RUNX1: variants seen among roughly 807,000 people sequenced by gnomAD.
The protein encoded by RUNX1 is RUNX family transcription factor 1, also known as runt-related transcription factor 1.
A neutral mutation model predicts 42.8 loss-of-function variants in RUNX1; 19 were observed. That is an observed-to-expected ratio of 0.44 (90% CI 0.31 to 0.65). The LOEUF is 0.65. Among genes scored for constraint, RUNX1 ranks in the 30% least tolerant of loss-of-function variants. RUNX1 has a pLI of 0.07. For missense variants in RUNX1, 528 were observed against 672.0 expected (o/e 0.79, Z 2.37); for synonymous variants, 271 against 289.4 (o/e 0.94, Z 0.64).
At chr21:34,993,788 CACAG>C (rs1461282975) in intron 2 of RUNX1, among the ~76,000 whole-genome samples, 2 of 137,510 alleles carry the variant, frequency 1.5e-5, no homozygotes, top group South Asian at 2.1e-4. Context: ...GACACACACA[CACAG>C]ACACACACAC....
At chr21:34,942,317 C>CAA (rs61376903) in intron 2 of RUNX1, among the ~76,000 whole-genome samples, 2 of 135,996 alleles carry the variant, frequency 1.5e-5, no homozygotes, top group Admixed American at 7.3e-5. Context: ...TGCACTCAAG[C>CAA]AAAAAAAAAA....
chr21:34,945,599 T>G (rs1327726875), intron 2 of RUNX1, among the ~76,000 whole-genome samples: 2 of 152,224 alleles, frequency 1.3e-5, no homozygotes, highest in African/African-American at 2.4e-5. Context: ...CAGACTTCTC[T>G]GCAACACCCT....
intron 2 of RUNX1, among the ~76,000 whole-genome samples, chr21:34,921,782 C>A (rs1311394553): frequency 6.6e-6 from 1 of 152,094 alleles, no homozygotes; most frequent in African/African-American, 2.4e-5. Flanking sequence ...CAGGTGTGCA[C>A]CACCATACCT....
At chr21:34,889,467 G>A (rs1437972672) in intron 3 of RUNX1, among the ~76,000 whole-genome samples, 1 of 152,178 alleles carries the variant, frequency 6.6e-6, no homozygotes, top group East Asian at 1.9e-4. Flanking sequence ...CCAGCGAAGA[G>A]TTTCCTAGTC....
chr21:34,852,203 A>C (rs891796112), intron 6 of RUNX1, among the ~76,000 whole-genome samples: 2 of 151,826 alleles, frequency 1.3e-5, no homozygotes, highest in African/African-American at 2.4e-5. Context: ...ACAAAACAAC[A>C]ACCACACACA....
At chr21:34,866,904 A>G (rs1030834141) in intron 5 of RUNX1, among the ~76,000 whole-genome samples, 1 of 152,230 alleles carries the variant, frequency 6.6e-6, no homozygotes, top group Non-Finnish European at 1.5e-5. Flanking sequence ...AGGTCCTTAG[A>G]ATATAGAACT....
chr21:34,799,455 C>T lies in RUNX1; in HGVS notation c.813G>A (p.Arg271=), dbSNP rs763723245. ...PQPQSQMQDT[R]QIQPSPPWSY... Reference sequence around the variant, plus strand: ...ACCACGGTGGGGATGGTTGGATCTGCCTTGTATCTGAAGAGAATCAGAAAG... The same window carrying T: ...ACCACGGTGGGGATGGTTGGATCTGTCTTGTATCTGAAGAGAATCAGAAAG... The change falls in exon 8 of 9, where the codon AGG becomes AGA. Residue 271 remains arginine, a synonymous_variant. Transcript: ENST00000675419. The T allele has an allele frequency of 1.2e-6, 2 of 1,614,002 alleles. No homozygotes were observed. Among genetic ancestry groups the T allele is most frequent in the Non-Finnish European group, 8.5e-7 (1 of 1,179,930 alleles).
chr21:34,859,743 T>C (rs1164104178), intron 5 of RUNX1, among the ~76,000 whole-genome samples, 165 bp from the exon 6 acceptor site: 1 of 152,252 alleles, frequency 6.6e-6, no homozygotes, highest in Non-Finnish European at 1.5e-5. Flanking sequence ...AATACACACC[T>C]ATGATAGTTG....
intron 5 of RUNX1, among the ~76,000 whole-genome samples, chr21:34,871,896 C>T (rs143138559): frequency 0.012 from 1,854 of 150,922 alleles, 13 homozygotes; most frequent in Non-Finnish European, 0.021. Flanking sequence ...CAGGCTGGAG[C>T]GCAGTGGCAT....
chr21:35,040,680 G>C (rs1221813631), intron 2 of RUNX1, among the ~76,000 whole-genome samples: 3 of 150,532 alleles, frequency 2.0e-5, no homozygotes, highest in Non-Finnish European at 2.9e-5. Context: ...GCTGAGGCAG[G>C]AGAATGGCTG....
At chr21:35,033,747 G>A (rs1476844737) in intron 2 of RUNX1, among the ~76,000 whole-genome samples, 1 of 152,122 alleles carries the variant, frequency 6.6e-6, no homozygotes, top group Admixed American at 6.5e-5. Flanking sequence ...ATTATCTATA[G>A]GTCCTTGAAA....
chr21:34,853,806 C>A (rs1031980319), intron 6 of RUNX1, among the ~76,000 whole-genome samples: 1 of 137,150 alleles, frequency 7.3e-6, no homozygotes, highest in African/African-American at 2.5e-5. Flanking sequence ...TCCTTCCCTT[C>A]CTTCCTTCAT....
chr21:34,887,245 G>T (rs1319940670), intron 3 of RUNX1, 149 bp from the exon 4 acceptor site: 4 of 732,710 alleles, frequency 5.5e-6, no homozygotes, highest in Admixed American at 3.0e-5. Context: ...CGGGGGGTGG[G>T]GGGGGGCGGG....
chr21:34,873,513 A>G (rs2057769479), intron 5 of RUNX1, among the ~76,000 whole-genome samples: 1 of 152,266 alleles, frequency 6.6e-6, no homozygotes, highest in Non-Finnish European at 1.5e-5. Context: ...AGAAAAACAC[A>G]GTTTAAATGG....
intron 2 of RUNX1, among the ~76,000 whole-genome samples, chr21:34,978,785 T>C (rs2058822749): frequency 6.6e-6 from 1 of 152,206 alleles, no homozygotes. Flanking sequence ...AACTGTGGGC[T>C]GTTGTATTGT....
intron 8 of RUNX1, chr21:34,797,923 C>A: frequency 2.3e-6 from 1 of 431,514 alleles, no homozygotes; most frequent in Non-Finnish European, 4.7e-6. Context: ...ATCTAGAGGC[C>A]AAGGATGCTG....
rs1017466428 is a variant in RUNX1 at position 34,843,191 on chromosome 21, CAT to C, written c.614-8592_614-8591del. Among the ~76,000 whole-genome samples, 3 of 152,112 alleles carry C rather than the reference CAT, an allele frequency of 2.0e-5. No homozygotes were observed. Among genetic ancestry groups the C allele is most frequent in the African/African-American group, 7.2e-5 (3 of 41,384 alleles). Reference sequence around the variant, plus strand: ...GCATGTAAACACATACAGACACACACATACACAGACACCTGGACACACACACA... The same window carrying C: ...GCATGTAAACACATACAGACACACACACACAGACACCTGGACACACACACA... On this transcript the variant is annotated intron_variant, in intron 6 of 8. Transcript: ENST00000675419. The surrounding 1 kb of genome is among the most constrained non-coding windows in gnomAD (Gnocchi z 4.8).
intron 7 of RUNX1, among the ~76,000 whole-genome samples, chr21:34,814,336 G>A (rs1352933381): frequency 6.6e-6 from 1 of 152,054 alleles, no homozygotes; most frequent in Admixed American, 6.5e-5. Context: ...GGAGGAGGAA[G>A]GCTTTCAGGG....
At chr21:35,005,089 T>C (rs768853705) in intron 2 of RUNX1, among the ~76,000 whole-genome samples, 1 of 152,134 alleles carries the variant, frequency 6.6e-6, no homozygotes, top group African/African-American at 2.4e-5. Flanking sequence ...AAGGCATAGG[T>C]AGATTTTATT....
Sources: allele counts gnomAD v4.1 joint callset (sites outside exome capture counted in the v4.1 genomes callset), GRCh38; gene constraint gnomAD v4.1.1; non-coding constraint Gnocchi (gnomAD v3.1); transcripts MANE v1.5; gene names NCBI Gene and HGNC (gene_info 2026-07-23, HGNC 2026-07-21).